The following TMEM132E variants were observed in gnomAD, a reference collection of about 807,000 sequenced individuals.
The protein encoded by TMEM132E is transmembrane protein 132E.
Under a neutral mutation model 78.5 loss-of-function variants are expected in TMEM132E, and 49 were observed. That is an observed-to-expected ratio of 0.62 (90% CI 0.50 to 0.79). The LOEUF is 0.79. TMEM132E is among the 30% of genes least tolerant of loss of function. TMEM132E has a pLI of 0.00. For synonymous variants in TMEM132E, 715 were observed against 670.6 expected (o/e 1.07, Z -1.02); for missense variants, 1,403 against 1,470.9 (o/e 0.95, Z 0.75).
At chr17:34,636,633 G>A (rs529973536) in intron 8 of TMEM132E, among the ~76,000 whole-genome samples, 3 of 152,238 alleles carry the variant, frequency 2.0e-5, no homozygotes, top group East Asian at 1.9e-4. Flanking sequence ...TGCTGAGCCC[G>A]GAGTTAGGAC....
At chr17:34,622,122 T>G (rs1272030963) in intron 1 of TMEM132E, among the ~76,000 whole-genome samples, 1 of 152,204 alleles carries the variant, frequency 6.6e-6, no homozygotes, top group Non-Finnish European at 1.5e-5. Flanking sequence ...CACGCGTGTG[T>G]GCACTCAAGC....
chr17:34,612,477 G>C (rs982977949), intron 1 of TMEM132E, among the ~76,000 whole-genome samples: 2 of 152,194 alleles, frequency 1.3e-5, no homozygotes, highest in African/African-American at 4.8e-5. Context: ...CCCCCACTCA[G>C]AGGTAGGAGT....
chr17:34,621,640 C>G (rs1906961690), intron 1 of TMEM132E, among the ~76,000 whole-genome samples: 1 of 152,180 alleles, frequency 6.6e-6, no homozygotes. Flanking sequence ...TGACTGAAGA[C>G]CAAGTCAGAG....
intron 6 of TMEM132E, among the ~76,000 whole-genome samples, chr17:34,634,430 G>T (rs2142086249): frequency 6.6e-6 from 1 of 152,320 alleles, no homozygotes; most frequent in East Asian, 1.9e-4. Flanking sequence ...AAGATTTCTG[G>T]CATTCTGTAA....
At chr17:34,632,962 C>A (rs1053878479) in intron 6 of TMEM132E, 53 bp downstream of exon 6, 3 of 1,594,980 alleles carry the variant, frequency 1.9e-6, no homozygotes, top group Non-Finnish European at 2.6e-6. Context: ...GTGGATACAG[C>A]CTCGGCCCAC....
At chr17:34,598,260 C>T (rs2142057602) in intron 1 of TMEM132E, among the ~76,000 whole-genome samples, 1 of 152,074 alleles carries the variant, frequency 6.6e-6, no homozygotes, top group Non-Finnish European at 1.5e-5. Context: ...TTCCTAAGGC[C>T]ACTTCCACTG....
intron 1 of TMEM132E, among the ~76,000 whole-genome samples, chr17:34,618,534 C>T (rs1231994949): frequency 6.6e-6 from 1 of 151,982 alleles, no homozygotes; most frequent in African/African-American, 2.4e-5. Context: ...GCCCGGCCAA[C>T]ATTTGTAAAT....
chr17:34,633,236 C>G (rs557902424), intron 6 of TMEM132E, among the ~76,000 whole-genome samples: 2 of 152,344 alleles, frequency 1.3e-5, no homozygotes, highest in South Asian at 4.1e-4. Context: ...ACCCCCTCTC[C>G]CTCCAGGAGA....
At position 34,613,740 on chromosome 17, in the gene TMEM132E, G is replaced by T. The variant is rs182038362; in HGVS notation, c.68-12387G>T. On this transcript the variant is annotated intron_variant, in intron 1 of 8. Coordinates refer to ENST00000631683, the MANE Select transcript of TMEM132E (RefSeq NM_001304438.2). ...CTCTCTCCCTCCCCCAGCCCTCCAT[G>T]GGTAGGTAGCCCAGCAGAGCAGGTC... Among the ~76,000 whole-genome samples the T allele has an allele frequency of 4.9e-3, 741 of 152,106 alleles. 9 individuals are homozygous for T. Among genetic ancestry groups the T allele is most frequent in the African/African-American group, 0.017 (700 of 41,498 alleles).
In TMEM132E at chr17:34,620,640, T is replaced by C. The variant is rs562402206; in HGVS notation, c.68-5487T>C. ...GGGGAGCAATCACAGAAGTGACTAA[T>C]GAGAGAGTTCCCAGATCACATGCGT... On this transcript the variant is annotated intron_variant, in intron 1 of 8. Transcript: ENST00000631683. Among the ~76,000 whole-genome samples the C allele has an allele frequency of 1.4e-3, 208 of 152,340 alleles. 2 individuals carry two copies. The highest frequency in any genetic ancestry group is 4.8e-3 in the African/African-American group (200 of 41,582).
At position 34,639,003 on chromosome 17, in the gene TMEM132E, C is replaced by G. The variant is rs570512074; in HGVS notation, c.*771C>G. The G allele has an allele frequency of 6.5e-6, 1 of 152,778 alleles. No homozygotes were observed. Among genetic ancestry groups the G allele is most frequent in the Non-Finnish European group, 1.5e-5 (1 of 68,172 alleles). The allele number at this position is 152,778 out of a possible 1,614,324, so 9.5% of individuals were successfully genotyped here. On this transcript the variant is annotated 3_prime_UTR_variant, in exon 9 of 9. Transcript: ENST00000631683. ...GGCCTGGGGACCTCCTTGCCTTCCC[C>G]GTCCCCCACAGCAAGGTCAACACTA... is the stretch of plus-strand genomic sequence containing the variant.
rs1455221658 is a variant in TMEM132E at position 34,636,039 on chromosome 17, G to A, written c.2010G>A (p.Gly670=). ...VVSPLTEAVL[G]ETLLTVTEEK... ...CTCCGCTGACGGAGGCTGTGCTCGG[G>A]GAGACGCTGCTGACGGTGACTGAGG... The change falls in exon 8 of 9, where the codon GGG becomes GGA. Residue 670 remains glycine (G), a synonymous_variant. Coordinates refer to ENST00000631683, the MANE Select transcript of TMEM132E (RefSeq NM_001304438.2). 6.5e-7 allele frequency: 1 copy of A among 1,548,408 alleles called. No individual in the cohort carries two copies. Among genetic ancestry groups the A allele is most frequent in the Non-Finnish European group, 8.7e-7 (1 of 1,150,566 alleles).
chr17:34,605,567 G>A (rs918777796), intron 1 of TMEM132E, among the ~76,000 whole-genome samples: 2 of 152,182 alleles, frequency 1.3e-5, no homozygotes, highest in Non-Finnish European at 2.9e-5. Context: ...GCCTACAGGC[G>A]GAGGAAGGGC....
chr17:34,624,192 T>C (rs896729448), intron 1 of TMEM132E, among the ~76,000 whole-genome samples: 2 of 152,272 alleles, frequency 1.3e-5, no homozygotes, highest in African/African-American at 2.4e-5. Context: ...GAGCAAGGAA[T>C]TTTTAGTTCA....
chr17:34,611,167 T>C (rs948558923), intron 1 of TMEM132E, among the ~76,000 whole-genome samples: 1 of 152,218 alleles, frequency 6.6e-6, no homozygotes, highest in African/African-American at 2.4e-5. Flanking sequence ...GGGAACAGCA[T>C]GTGCAAAGGC....
In TMEM132E at chr17:34,638,205, C is replaced by T; in HGVS notation, c.3198C>T (p.Tyr1066=). The T allele has an allele frequency of 6.2e-7, 1 of 1,600,964 alleles. No homozygotes were observed. Among genetic ancestry groups the T allele is most frequent in the South Asian group, 1.1e-5 (1 of 89,058 alleles). ...CTGCACCCCCGGACCTGCACAATTA[C>T]ATGCGCAGAATCAAAGAGATTGCAT... is the stretch of plus-strand genomic sequence containing the variant. ...RPTAPPDLHN[Y]MRRIKEIA The change falls in exon 9 of 9, where the codon TAC becomes TAT. Residue 1066 remains tyrosine, a synonymous_variant. Coordinates refer to ENST00000631683, the MANE Select transcript of TMEM132E (RefSeq NM_001304438.2).
intron 3 of TMEM132E, 115 bp downstream of exon 3, chr17:34,628,824 G>A: frequency 3.6e-6 from 5 of 1,404,424 alleles, no homozygotes; most frequent in Admixed American, 5.6e-5. Context: ...CGGTCATTGG[G>A]GTCTCTGAGG....
chr17:34,609,231 C>T (rs919639178), intron 1 of TMEM132E, among the ~76,000 whole-genome samples: 4 of 152,128 alleles, frequency 2.6e-5, no homozygotes. Flanking sequence ...CTCCGGCTGC[C>T]CTGCCTTTCC....
At chr17:34,589,384 T>A (rs1905784050) in intron 1 of TMEM132E, among the ~76,000 whole-genome samples, 1 of 152,166 alleles carries the variant, frequency 6.6e-6, no homozygotes, top group South Asian at 2.1e-4. Context: ...AATAGGGAGC[T>A]GTCATGATGG....
Sources: allele counts gnomAD v4.1 joint callset (sites outside exome capture counted in the v4.1 genomes callset), GRCh38; gene constraint gnomAD v4.1.1; transcripts MANE v1.5; gene names NCBI Gene and HGNC (gene_info 2026-07-23, HGNC 2026-07-21).